ATP8A1: variants seen among roughly 807,000 people sequenced by gnomAD.
ATP8A1 encodes phospholipid-transporting ATPase IA.
Under a neutral mutation model 177.7 loss-of-function variants are expected in ATP8A1, and 90 were observed. The ratio of observed to expected loss-of-function variants is 0.51; its 90% CI spans 0.43 to 0.60. The LOEUF (loss-of-function observed/expected upper bound fraction) is 0.60, where lower values mean the gene tolerates loss of function less well. ATP8A1 is among the 20% of genes least tolerant of loss of function. The pLI, the probability that ATP8A1 is intolerant of heterozygous loss-of-function variation, is 0.00. For synonymous variants in ATP8A1, 493 were observed against 485.9 expected (o/e 1.01, Z -0.19); for missense variants, 1,072 against 1,392.8 (o/e 0.77, Z 3.67).
chr4:42,515,770 C>G (rs2153196633), intron 22 of ATP8A1, among the ~76,000 whole-genome samples: 2 of 152,314 alleles, frequency 1.3e-5, no homozygotes, highest in South Asian at 4.2e-4. Flanking sequence ...AGCCCTAGAG[C>G]CTAGAACAGA....
chr4:42,503,457 G>C lies in ATP8A1; in HGVS notation c.2144C>G (p.Ser715Cys). 3.8e-6 allele frequency: 6 copies of C among 1,598,870 alleles called. No homozygotes were observed. Among genetic ancestry groups the C allele is most frequent in the Non-Finnish European group, 5.1e-6 (6 of 1,168,140 alleles). ...NMGMIVINEG[S>C]LDGTRETLSR... ...ATACATAATTTTACTTACATCAAGAGAGCCTTCATTTATAACAATCATTCC... is the reference window on the plus strand; with the variant it reads ...ATACATAATTTTACTTACATCAAGACAGCCTTCATTTATAACAATCATTCC... The change falls in exon 24 of 37, where the codon TCT (serine) becomes TGT (cysteine). Residue 715 changes from serine (S) to cysteine (C), a missense_variant. This residue lies in a region of ATP8A1 where 388 missense variants were observed against 471.7 expected (regional missense o/e 0.82). Coordinates refer to ENST00000381668, the MANE Select transcript of ATP8A1 (RefSeq NM_006095.2).
intron 22 of ATP8A1, among the ~76,000 whole-genome samples, chr4:42,515,680 A>G (rs1430852759): frequency 2.6e-5 from 4 of 152,158 alleles, no homozygotes; most frequent in African/African-American, 2.4e-5. Flanking sequence ...CTGGAATGAC[A>G]TTGTTTTAGT....
intron 5 of ATP8A1, among the ~76,000 whole-genome samples, chr4:42,612,615 T>C (rs550089646): frequency 1.3e-5 from 2 of 151,842 alleles, no homozygotes; most frequent in South Asian, 4.2e-4. Flanking sequence ...ATCAGGTCAC[T>C]GAATCATCAA....
chr4:42,448,837 T>C (rs1327521154), intron 30 of ATP8A1, among the ~76,000 whole-genome samples: 1 of 136,180 alleles, frequency 7.3e-6, no homozygotes, highest in Non-Finnish European at 1.6e-5. Flanking sequence ...CGTTTTTTTT[T>C]TTTTTTTTTT....
intron 25 of ATP8A1, among the ~76,000 whole-genome samples, chr4:42,474,762 C>T (rs1340359403): frequency 6.6e-6 from 1 of 152,140 alleles, no homozygotes; most frequent in Non-Finnish European, 1.5e-5. Context: ...TTTACCTAAT[C>T]AGGACCTAGC....
intron 6 of ATP8A1, among the ~76,000 whole-genome samples, chr4:42,596,616 G>A (rs964445857): frequency 1.4e-5 from 2 of 146,442 alleles, no homozygotes; most frequent in Non-Finnish European, 3.0e-5. Context: ...GCAGTGAGCC[G>A]AGATTGCGCC....
At chr4:42,422,575 G>C (rs1714098010) in intron 35 of ATP8A1, among the ~76,000 whole-genome samples, 1 of 151,954 alleles carries the variant, frequency 6.6e-6, no homozygotes, top group African/African-American at 2.4e-5. Context: ...AGGTATTATT[G>C]CCCCCATTTT....
At chr4:42,590,700 T>C (rs2109366931) in intron 7 of ATP8A1, 111 bp downstream of exon 7, 1 of 927,670 alleles carries the variant, frequency 1.1e-6, no homozygotes, top group Non-Finnish European at 1.7e-6. Flanking sequence ...TATAAAAAGT[T>C]TGTGTTTTAA....
intron 24 of ATP8A1, among the ~76,000 whole-genome samples, chr4:42,501,339 C>T (rs1303924632): frequency 6.6e-6 from 1 of 152,146 alleles, no homozygotes; most frequent in Non-Finnish European, 1.5e-5. Flanking sequence ...TAATCCTATG[C>T]CAAAGGTTAC....
At chr4:42,586,115 T>C (rs985333212) in intron 9 of ATP8A1, among the ~76,000 whole-genome samples, 1 of 152,100 alleles carries the variant, frequency 6.6e-6, no homozygotes, top group Non-Finnish European at 1.5e-5. Flanking sequence ...TCTCTGAAAA[T>C]ATCCTCCAGC....
intron 4 of ATP8A1, among the ~76,000 whole-genome samples, chr4:42,618,617 A>AT: frequency 6.6e-6 from 1 of 152,132 alleles, no homozygotes; most frequent in African/African-American, 2.4e-5. Context: ...CTCAATAAAT[A>AT]TTTACTAAAC....
chr4:42,485,406 A>C (rs1160618715), intron 25 of ATP8A1, 90 bp downstream of exon 25: 4 of 1,236,398 alleles, frequency 3.2e-6, no homozygotes, highest in African/African-American at 3.1e-5. Context: ...ACTTTTGTAA[A>C]CTCTGGATTA....
At chr4:42,519,604 T>G (rs1725901891) in intron 22 of ATP8A1, among the ~76,000 whole-genome samples, 1 of 152,180 alleles carries the variant, frequency 6.6e-6, no homozygotes, top group African/African-American at 2.4e-5. Flanking sequence ...CATTTGCTTG[T>G]GCATGAGCAT....
rs551593719 is a variant in ATP8A1, at chr4:42,429,217, T to G, written c.3124-5512A>C. Among the ~76,000 whole-genome samples the G allele has an allele frequency of 2.6e-5, 4 of 152,294 alleles. No homozygotes were observed. In the South Asian group the frequency reaches 6.2e-4, roughly 24 times the overall value. On this transcript the variant is annotated intron_variant, in intron 33 of 36. Coordinates refer to ENST00000381668, the MANE Select transcript of ATP8A1 (RefSeq NM_006095.2). ...ACGTATTTTGGGGAGAGGAGTTGATTCAGCTCCATGACTATCCTTTTCCAA... is the reference window on the plus strand; with the variant it reads ...ACGTATTTTGGGGAGAGGAGTTGATGCAGCTCCATGACTATCCTTTTCCAA...
intron 6 of ATP8A1, among the ~76,000 whole-genome samples, chr4:42,592,402 A>C (rs909562039): frequency 9.2e-5 from 14 of 152,146 alleles, no homozygotes; most frequent in Admixed American, 2.6e-4. Flanking sequence ...CAGACGGCAA[A>C]GATTTTGAAA....
chr4:42,498,193 C>T (rs1484627087), intron 24 of ATP8A1, among the ~76,000 whole-genome samples: 1 of 152,064 alleles, frequency 6.6e-6, no homozygotes, highest in East Asian at 1.9e-4. Flanking sequence ...CTCTTTTTTC[C>T]CTTCTTTTCT....
chr4:42,500,358 C>T (rs903963658), intron 24 of ATP8A1, among the ~76,000 whole-genome samples: 2 of 144,700 alleles, frequency 1.4e-5, no homozygotes, highest in African/African-American at 2.8e-5. Flanking sequence ...CAGCGAGACT[C>T]GGTCTCAAAA....
rs1472537551 is a variant in ATP8A1 at position 42,579,952 on chromosome 4, G to C, written c.861C>G (p.Leu287=). The C allele has an allele frequency of 6.2e-7, 1 of 1,608,140 alleles. No individual in the cohort carries two copies. The highest frequency in any genetic ancestry group is 8.5e-7 in the Non-Finnish European group (1 of 1,177,132). ...CATTTGTAATCCGTTCCACATTTGA[G>C]AGCTTAAGTGGTGGACTTGTTGAAT... ...MQNSTSPPLK[L]SNVERITNVQ... Residue 287 remains leucine, a synonymous_variant, in exon 11 of 37, where the codon CTC becomes CTG. Transcript: ENST00000381668.
chr4:42,609,045 C>A (rs1003471983), intron 5 of ATP8A1, among the ~76,000 whole-genome samples: 1 of 152,070 alleles, frequency 6.6e-6, no homozygotes, highest in Non-Finnish European at 1.5e-5. Flanking sequence ...TCCACTGACA[C>A]AAAAGACAAT....
Sources: gnomAD v4.1 joint callset for allele counts (sites outside exome capture counted in the v4.1 genomes callset) on GRCh38, gnomAD v4.1.1 for gene constraint, gnomAD v4.1.1 regional missense constraint, MANE v1.5 for transcripts, NCBI Gene and HGNC (gene_info 2026-07-23, HGNC 2026-07-21) for gene names.